MAP3K3: variants seen among roughly 807,000 people sequenced by gnomAD.
MAP3K3 encodes the protein mitogen-activated protein kinase kinase kinase 3.
Under a neutral mutation model 80.9 loss-of-function variants are expected in MAP3K3, and 12 were observed. The observed-to-expected ratio is 0.15, with a 90% confidence interval of 0.10 to 0.24. MAP3K3 has a LOEUF of 0.24. MAP3K3 is among the 10% of genes least tolerant of loss of function. The pLI is 1.00. For synonymous variants in MAP3K3, 272 were observed against 307.1 expected (o/e 0.89, Z 1.19); for missense variants, 596 against 834.7 (o/e 0.71, Z 3.52).
At chr17:63,624,766 C>T (rs1304050824) in intron 1 of MAP3K3, among the ~76,000 whole-genome samples, 2 of 152,212 alleles carry the variant, frequency 1.3e-5, no homozygotes, top group East Asian at 1.9e-4. Context: ...TTCACTTTCC[C>T]CCATACAATT....
At position 63,681,885 on chromosome 17, in the gene MAP3K3, AC is replaced by A; in HGVS notation, c.624del (p.Ser209AlafsTer9). On this transcript the variant is annotated frameshift_variant, in exon 7 of 16. Coordinates refer to ENST00000361733, the MANE Select transcript of MAP3K3 (RefSeq NM_002401.5). LOFTEE classifies it high-confidence loss of function. ...CAGTGAGGGGGAGTTCATCCCAGAGACCAGCGAGCAGTGCGTGAGTATAGGG... is the reference window on the plus strand; with the variant it reads ...CAGTGAGGGGGAGTTCATCCCAGAGACAGCGAGCAGTGCGTGAGTATAGGG... ...INSEGEFIPE[T>X]SEQCMLDPLS... 2 of 1,491,086 alleles carry A rather than the reference AC, an allele frequency of 1.3e-6. No individual in the cohort carries two copies. Among genetic ancestry groups the A allele is most frequent in the South Asian group, 1.3e-5 (1 of 74,438 alleles). The allele number at this position is 1,491,086 out of a possible 1,614,324, so 92.4% of individuals were successfully genotyped here.
At chr17:63,668,687 G>A (rs182542157) in intron 6 of MAP3K3, among the ~76,000 whole-genome samples, 230 of 152,302 alleles carry the variant, frequency 1.5e-3, no homozygotes, top group South Asian at 8.3e-4. Context: ...CATGTTACCG[G>A]GAGCTATATA....
rs745832018 is a variant in MAP3K3, at chr17:63,681,746, GCCT to G, written c.503-16_503-14del. 4.3e-6 allele frequency: 6 copies of G among 1,408,710 alleles called. No individual in the cohort carries two copies. The South Asian group carries it at 1.0e-4, about 24-fold the overall frequency. The allele number at this position is 1,408,710 out of a possible 1,614,324, so 87.3% of individuals were successfully genotyped here. A position where few individuals can be genotyped will look rare whatever the true frequency, so the allele number is the denominator to read the frequency against. On this transcript the variant is annotated splice_polypyrimidine_tract_variant and intron_variant, in intron 6 of 15. Transcript: ENST00000361733. ...CACACCCTGGGCTCTGTTGTTGAAA[GCCT>G]CCTTTATGTGCTCTAGGCTCCCAGA...
Position 63,693,539 on chromosome 17 carries a change from CTCTT to C in MAP3K3, c.1653-7_1653-4del. 6.3e-7 allele frequency: 1 copy of C among 1,597,026 alleles called. No homozygotes were observed. Among genetic ancestry groups the C allele is most frequent in the South Asian group, 1.1e-5 (1 of 88,624 alleles). On this transcript the variant is annotated splice_polypyrimidine_tract_variant and splice_region_variant and intron_variant, in intron 15 of 15. Transcript: ENST00000361733. The surrounding 1 kb of genome is among the most constrained non-coding windows in gnomAD (Gnocchi z 4.2). ...TGGCTGAGGGGTGACACGGGGTTCT[CTCTT>C]TCCAGGAGCCTGGGCTGCACTGTGG... is the stretch of plus-strand genomic sequence containing the variant.
In MAP3K3 at chr17:63,691,923, C is replaced by T. The variant is rs2035600627; in HGVS notation, c.1474+61C>T. The T allele has an allele frequency of 6.5e-7, 1 of 1,547,684 alleles. No homozygotes were observed. The highest frequency in any genetic ancestry group is 1.7e-5 in the Admixed American group (1 of 57,710). ...CTGGGTTCAAGTCTACCATTGAGTG[C>T]CTGCAGGGGCCAATCACTTAACCAT... is the stretch of plus-strand genomic sequence containing the variant. On this transcript the variant is annotated intron_variant, in intron 14 of 15. Coordinates refer to ENST00000361733, the MANE Select transcript of MAP3K3 (RefSeq NM_002401.5). The surrounding 1 kb of genome is among the most constrained non-coding windows in gnomAD (Gnocchi z 4.8).
rs1464929878 is a variant in MAP3K3 at position 63,694,779 on chromosome 17, CCA to C, written c.*1004_*1005del. The C allele has an allele frequency of 2.6e-5, 4 of 152,534 alleles. No homozygotes were observed. Among genetic ancestry groups the C allele is most frequent in the African/African-American group, 9.7e-5 (4 of 41,448 alleles). The allele number at this position is 152,534 out of a possible 1,614,324, so 9.4% of individuals were successfully genotyped here. ...GAGTCGTGACCTGCTAGGCCAGAGC[CCA>C]CTCCATCTGGTAGAAGGGAAAGCCC... is the stretch of plus-strand genomic sequence containing the variant. On this transcript the variant is annotated 3_prime_UTR_variant, in exon 16 of 16. Transcript: ENST00000361733.
chr17:63,652,540 T>C lies in MAP3K3; in HGVS notation c.168-17T>C. ...TAAGTATACAATTAACCAACCTTTC[T>C]TTCTGTTTCTTTTCAGAATTATAGC... On this transcript the variant is annotated splice_polypyrimidine_tract_variant and intron_variant, in intron 3 of 15. Coordinates refer to ENST00000361733, the MANE Select transcript of MAP3K3 (RefSeq NM_002401.5). 4 of 1,583,104 alleles carry C rather than the reference T, an allele frequency of 2.5e-6. No individual in the cohort carries two copies. Among genetic ancestry groups the C allele is most frequent in the Non-Finnish European group, 3.5e-6 (4 of 1,151,954 alleles).
chr17:63,670,473 C>G (rs1322078621), intron 6 of MAP3K3, among the ~76,000 whole-genome samples: 1 of 151,588 alleles, frequency 6.6e-6, no homozygotes, highest in Non-Finnish European at 1.5e-5. Context: ...GTCCCAGCTA[C>G]TCAGGGGGCT....
intron 5 of MAP3K3, 100 bp downstream of exon 5, chr17:63,658,007 C>G (rs2034807955): frequency 1.7e-6 from 1 of 597,970 alleles, no homozygotes; most frequent in African/African-American, 1.9e-5. Context: ...TCCTCAGCCA[C>G]TGCCAAATTG....
chr17:63,655,086 G>A (rs991645983), intron 4 of MAP3K3, among the ~76,000 whole-genome samples: 7 of 152,120 alleles, frequency 4.6e-5, no homozygotes, highest in South Asian at 2.1e-4. Context: ...AAGGAAAGAG[G>A]TTTAATTGAC....
At chr17:63,660,410 G>C (rs1330862443) in intron 5 of MAP3K3, among the ~76,000 whole-genome samples, 2 of 150,654 alleles carry the variant, frequency 1.3e-5, no homozygotes, top group Non-Finnish European at 3.0e-5. Flanking sequence ...ACAGGGTCTT[G>C]CCATGTTGCC....
chr17:63,671,080 A>G (rs1270897386), intron 6 of MAP3K3, among the ~76,000 whole-genome samples: 1 of 152,170 alleles, frequency 6.6e-6, no homozygotes, highest in East Asian at 1.9e-4. Flanking sequence ...GCAGTGGTCC[A>G]GGTAAAGAAA....
rs147366654 is a variant in MAP3K3 at position 63,680,621 on chromosome 17, A to G, written c.503-1145A>G. 2.1e-3 allele frequency among the ~76,000 whole-genome samples: 325 copies of G among 152,322 alleles called. 2 individuals are homozygous for G. The highest frequency in any genetic ancestry group is 7.3e-3 in the African/African-American group (302 of 41,572). On this transcript the variant is annotated intron_variant, in intron 6 of 15. Coordinates refer to ENST00000361733, the MANE Select transcript of MAP3K3 (RefSeq NM_002401.5). The stretch of plus-strand genomic sequence containing the variant: ...TCTCGGACTCAAAATCCCTTATGGC[A>G]GAAAAACATTGCTCAGTGACTTACA...
chr17:63,688,899 T>C lies in MAP3K3; in HGVS notation c.871+18T>C. 3 of 1,582,268 alleles carry C rather than the reference T, an allele frequency of 1.9e-6. No homozygotes were observed. The highest frequency in any genetic ancestry group is 8.7e-7 in the Non-Finnish European group (1 of 1,151,062). ...CAGTGATGGTGAGTTCTTCTTCACC[T>C]GCTCCCTGCTGGCTGCCTCAAGAAA... On this transcript the variant is annotated intron_variant, in intron 10 of 15. Transcript: ENST00000361733.
At chr17:63,688,967 C>T (rs2035523391) in intron 10 of MAP3K3, 86 bp downstream of exon 10, 2 of 903,648 alleles carry the variant, frequency 2.2e-6, no homozygotes, top group Non-Finnish European at 3.6e-6. Context: ...CATGCAGTGC[C>T]TGTATTTTCC....
intron 6 of MAP3K3, among the ~76,000 whole-genome samples, 155 bp downstream of exon 6, chr17:63,667,215 A>G (rs556240867): frequency 6.6e-6 from 1 of 152,330 alleles, no homozygotes; most frequent in South Asian, 2.1e-4. Flanking sequence ...TTAGAGAGGA[A>G]GGGCAAAGAA....
chr17:63,678,536 G>T (rs553239659), intron 6 of MAP3K3, among the ~76,000 whole-genome samples: 1 of 152,194 alleles, frequency 6.6e-6, no homozygotes. Flanking sequence ...CTGGAGTCAG[G>T]TGGGGAGGCC....
chr17:63,685,491 G>A (rs1375343271), intron 7 of MAP3K3, 26 bp from the exon 8 acceptor site: 1 of 1,598,330 alleles, frequency 6.3e-7, no homozygotes, highest in Non-Finnish European at 8.6e-7. Flanking sequence ...TGGGGGTGTG[G>A]CTTCATTGTT....
chr17:63,629,262 A>G (rs1479830753), intron 1 of MAP3K3, among the ~76,000 whole-genome samples: 2 of 152,048 alleles, frequency 1.3e-5, no homozygotes, highest in Non-Finnish European at 2.9e-5. Flanking sequence ...AGCTGGGATT[A>G]CAGGCGCACA....
Sources: gnomAD v4.1 joint callset for allele counts (sites outside exome capture counted in the v4.1 genomes callset) on GRCh38, gnomAD v4.1.1 for gene constraint, Gnocchi (gnomAD v3.1) non-coding constraint, MANE v1.5 for transcripts, NCBI Gene and HGNC (gene_info 2026-07-23, HGNC 2026-07-21) for gene names.